SNX29: variants seen among roughly 807,000 people sequenced by gnomAD.
The protein encoded by SNX29 is sorting nexin-29.
A neutral mutation model predicts 102.1 loss-of-function variants in SNX29; 78 were observed. The observed-to-expected ratio is 0.76, with a 90% CI of 0.64 to 0.92. SNX29 has a LOEUF of 0.92. SNX29 is among the 40% of genes least tolerant of loss of function. The pLI, the probability that SNX29 is intolerant of heterozygous loss-of-function variation, is 0.00. For synonymous variants in SNX29, 580 were observed against 414.5 expected, an observed-to-expected ratio of 1.40 and a Z score of -4.85; for missense variants, 1,280 against 1,061.7, an observed-to-expected ratio of 1.21 and a Z score of -2.86.
intron 13 of SNX29, among the ~76,000 whole-genome samples, chr16:12,140,183 G>C (rs1198266379): frequency 6.6e-6 from 1 of 152,070 alleles, no homozygotes; most frequent in Non-Finnish European, 1.5e-5. Context: ...CAGTCCCCAT[G>C]ACTTTCCATG....
At chr16:12,348,904 C>T (rs557701908) in intron 15 of SNX29, among the ~76,000 whole-genome samples, 8 of 149,712 alleles carry the variant, frequency 5.3e-5, no homozygotes, top group East Asian at 1.9e-4. Context: ...GAACATTCCT[C>T]GTGCGCAGGG....
intron 14 of SNX29, among the ~76,000 whole-genome samples, chr16:12,232,655 G>C (rs773724473): frequency 6.6e-6 from 1 of 152,194 alleles, no homozygotes; most frequent in East Asian, 1.9e-4. Context: ...ATTCATGAGA[G>C]TGTGATTCTC....
At chr16:12,275,337 G>T (rs1200924387) in intron 14 of SNX29, among the ~76,000 whole-genome samples, 1 of 152,198 alleles carries the variant, frequency 6.6e-6, no homozygotes, top group Non-Finnish European at 1.5e-5. Flanking sequence ...GAAGTTCAGT[G>T]TGTGTTACTT....
At position 12,278,064 on chromosome 16, in the gene SNX29, T is replaced by C. The variant is rs2079311962; in HGVS notation, c.1782+28T>C. 5 of 1,558,130 alleles carry C rather than the reference T, an allele frequency of 3.2e-6. No homozygotes were observed. The African/African-American group carries it at 4.1e-5, about 13-fold the overall frequency. On this transcript the variant is annotated intron_variant, in intron 15 of 20. Transcript: ENST00000566228. The stretch of plus-strand genomic sequence containing the variant: ...AAGGCCGGTGGAGTCTGTGTGTCTT[T>C]GTTTCTGATGTTGGCTGCGTTGGAG...
intron 14 of SNX29, among the ~76,000 whole-genome samples, chr16:12,248,166 A>G (rs1334693387): frequency 1.3e-5 from 2 of 152,076 alleles, no homozygotes; most frequent in Non-Finnish European, 2.9e-5. Flanking sequence ...CTCTGAGGGA[A>G]CCCTTTAAGG....
intron 15 of SNX29, among the ~76,000 whole-genome samples, chr16:12,285,713 G>A (rs1259529805): frequency 6.6e-6 from 1 of 152,120 alleles, no homozygotes; most frequent in Non-Finnish European, 1.5e-5. Flanking sequence ...TGCGTGTCCA[G>A]GAGTCATTTT....
At chr16:12,044,176 C>T (rs1351225035) in intron 5 of SNX29, among the ~76,000 whole-genome samples, 2 of 152,202 alleles carry the variant, frequency 1.3e-5, no homozygotes, top group Non-Finnish European at 2.9e-5. Context: ...ATCAGCAACG[C>T]CCAGATCGTC....
chr16:12,269,636 T>G (rs1351540415), intron 14 of SNX29, among the ~76,000 whole-genome samples: 1 of 152,194 alleles, frequency 6.6e-6, no homozygotes, highest in African/African-American at 2.4e-5. Context: ...TACAAATTTC[T>G]GAACACTGTC....
intron 20 of SNX29, chr16:12,546,378 C>A (rs529894706): frequency 6.6e-6 from 1 of 150,742 alleles, no homozygotes; most frequent in Non-Finnish European, 1.5e-5. Flanking sequence ...TCACAATCAC[C>A]GTGGAAGGCA....
At chr16:12,411,592 C>T (rs986484201) in intron 18 of SNX29, among the ~76,000 whole-genome samples, 1 of 152,186 alleles carries the variant, frequency 6.6e-6, no homozygotes, top group Non-Finnish European at 1.5e-5. Context: ...CTTTATTCGT[C>T]CCAAAGCTGT....
chr16:12,469,046 C>A (rs371035728), intron 18 of SNX29, among the ~76,000 whole-genome samples: 1 of 152,168 alleles, frequency 6.6e-6, no homozygotes, highest in Non-Finnish European at 1.5e-5. Context: ...GCTACAGTTA[C>A]GGTACCACGG....
intron 14 of SNX29, among the ~76,000 whole-genome samples, chr16:12,217,765 C>G (rs149165213): frequency 6.6e-6 from 1 of 152,210 alleles, no homozygotes; most frequent in East Asian, 1.9e-4. Context: ...TTTCATTCAA[C>G]TGGAATTCAG....
intron 20 of SNX29, among the ~76,000 whole-genome samples, chr16:12,538,234 G>A (rs752997254): frequency 2.6e-5 from 4 of 152,110 alleles, no homozygotes; most frequent in Non-Finnish European, 5.9e-5. Context: ...TTGTGCCTCA[G>A]TCTCCCTAGT....
Position 12,305,619 on chromosome 16 carries a change from A to G in SNX29, c.1782+27583A>G, listed in dbSNP as rs1001281779. Reference sequence around the variant, plus strand: ...TTATTTTTTTGGCATTAATTTTGATATTTCAAAACATTGCATGGAAATATT... The same window carrying G: ...TTATTTTTTTGGCATTAATTTTGATGTTTCAAAACATTGCATGGAAATATT... On this transcript the variant is annotated intron_variant, in intron 15 of 20. Transcript: ENST00000566228. 4.8e-4 allele frequency among the ~76,000 whole-genome samples: 73 copies of G among 152,198 alleles called. 1 individual carries two copies. The highest frequency in any genetic ancestry group is 1.7e-3 in the African/African-American group (69 of 41,430).
At chr16:12,259,544 G>A (rs2078672655) in intron 14 of SNX29, among the ~76,000 whole-genome samples, 1 of 152,210 alleles carries the variant, frequency 6.6e-6, no homozygotes, top group Non-Finnish European at 1.5e-5. Context: ...GGACTGAGGA[G>A]CGGATTGAAG....
intron 14 of SNX29, among the ~76,000 whole-genome samples, chr16:12,248,685 G>C (rs2078333848): frequency 6.6e-6 from 1 of 151,928 alleles, no homozygotes; most frequent in African/African-American, 2.4e-5. Context: ...AAAGTGCTGG[G>C]ATTACAGGCA....
At chr16:12,397,098 G>T (rs928034448) in intron 16 of SNX29, among the ~76,000 whole-genome samples, 21 of 152,054 alleles carry the variant, frequency 1.4e-4, no homozygotes, top group Non-Finnish European at 2.8e-4. Context: ...TTGCTGTGTT[G>T]CCCAGGCTGG....
chr16:12,341,411 T>G (rs1303366776), intron 15 of SNX29, among the ~76,000 whole-genome samples: 2 of 152,250 alleles, frequency 1.3e-5, no homozygotes, highest in African/African-American at 4.8e-5. Flanking sequence ...CCTCAGACTT[T>G]CAGGCCCATT....
chr16:12,054,440 C>T (rs1158865586), intron 8 of SNX29, among the ~76,000 whole-genome samples: 1 of 152,206 alleles, frequency 6.6e-6, no homozygotes, highest in Non-Finnish European at 1.5e-5. Context: ...AATTGGTGGA[C>T]TCAGTAAAGG....
Sources: allele counts gnomAD v4.1 joint callset (sites outside exome capture counted in the v4.1 genomes callset), GRCh38; gene constraint gnomAD v4.1.1; transcripts MANE v1.5; gene names NCBI Gene and HGNC (gene_info 2026-07-23, HGNC 2026-07-21).